The following CDK2AP1 variants were observed in gnomAD, a reference collection of about 807,000 sequenced individuals.
The protein encoded by CDK2AP1 is cyclin-dependent kinase 2-associated protein 1.
CDK2AP1 carries 10 observed loss-of-function variants against 14.1 expected under a neutral mutation model. That is an observed-to-expected ratio of 0.71 (90% CI 0.44 to 1.20). CDK2AP1 has a LOEUF of 1.20. Ranked by LOEUF, CDK2AP1 falls within the 50% of genes most tolerant of loss-of-function variation. The pLI is 0.00. For missense variants in CDK2AP1, 102 were observed against 149.9 expected, an observed-to-expected ratio of 0.68 and a Z score of 1.67; for synonymous variants, 59 against 59.8, an observed-to-expected ratio of 0.99 and a Z score of 0.06.
Position 123,261,897 on chromosome 12 carries a change from C to G in CDK2AP1, c.281-94G>C. On this transcript the variant is annotated intron_variant, in intron 3 of 3. Coordinates refer to ENST00000261692, the MANE Select transcript of CDK2AP1 (RefSeq NM_004642.4). The stretch of plus-strand genomic sequence containing the variant: ...AGCAAGAGGATCCATCCTTCCACAG[C>G]CTGTCCACAAAACCCTCAGACATAA... 6 of 863,368 alleles carry G rather than the reference C, an allele frequency of 6.9e-6. No homozygotes were observed. The South Asian group carries it at 8.1e-5, about 12-fold the overall frequency. 53.5% of individuals were successfully genotyped at this position (863,368 alleles called of 1,614,324 possible). A position where few individuals can be genotyped will look rare whatever the true frequency, so the allele number is the denominator to read the frequency against.
chr12:123,265,080 A>G lies in CDK2AP1; in HGVS notation c.280+116T>C, dbSNP rs1246384698. ...GACGGCAACTCTGTAACAAGACAGG[A>G]GCTCCCATGAGTGAGCCTCATCCCT... On this transcript the variant is annotated intron_variant, in intron 3 of 3. Transcript: ENST00000261692. This position sits in a 1 kb window ranked among gnomAD's most constrained non-coding sequence, Gnocchi z 5.3. 1 of 1,383,608 alleles carries G rather than the reference A, an allele frequency of 7.2e-7. No homozygotes were observed. The highest frequency in any genetic ancestry group is 1.0e-6 in the Non-Finnish European group (1 of 997,774). 85.7% of individuals were successfully genotyped at this position (1,383,608 alleles called of 1,614,324 possible).
chr12:123,265,722 C>T lies in CDK2AP1; in HGVS notation c.154-400G>A, dbSNP rs2048283614. On this transcript the variant is annotated intron_variant, in intron 2 of 3. Transcript: ENST00000261692. The surrounding 1 kb of genome is among the most constrained non-coding windows in gnomAD (Gnocchi z 5.3). ...ATCCTCACACACTCAGGGAGGCCACCCAGTCGTCTCCAGGAAGCAACTTTA... is the reference window on the plus strand; with the variant it reads ...ATCCTCACACACTCAGGGAGGCCACTCAGTCGTCTCCAGGAAGCAACTTTA... Among the ~76,000 whole-genome samples the T allele has an allele frequency of 6.6e-6, 1 of 152,102 alleles. No homozygotes were observed. Among genetic ancestry groups the T allele is most frequent in the Admixed American group, 6.6e-5 (1 of 15,262 alleles).
At position 123,261,703 on chromosome 12, in the gene CDK2AP1, A is replaced by G; in HGVS notation, c.*33T>C. On this transcript the variant is annotated 3_prime_UTR_variant, in exon 4 of 4. Transcript: ENST00000261692. Reference sequence around the variant, plus strand: ...TGAACTGTAACTTCTCATCTTGTAAAAAGATGGAAATCCTTCAAAACCAAC... The same window carrying G: ...TGAACTGTAACTTCTCATCTTGTAAGAAGATGGAAATCCTTCAAAACCAAC... The G allele has an allele frequency of 6.4e-6, 10 of 1,565,434 alleles. No individual in the cohort carries two copies. The highest frequency in any genetic ancestry group is 8.8e-6 in the Non-Finnish European group (10 of 1,135,412).
intron 1 of CDK2AP1, among the ~76,000 whole-genome samples, chr12:123,270,567 G>A (rs1043510711): frequency 1.5e-4 from 23 of 151,970 alleles, no homozygotes; most frequent in African/African-American, 2.4e-4. Flanking sequence ...TGTCAGAGAA[G>A]AAGGGCCCCA....
intron 3 of CDK2AP1, among the ~76,000 whole-genome samples, chr12:123,263,147 G>C (rs7296205): frequency 4.7e-5 from 7 of 148,376 alleles, no homozygotes. Context: ...GGAGGCGGAG[G>C]TTGCAGTGAG....
chr12:123,264,488 A>G (rs2048268140), intron 3 of CDK2AP1, among the ~76,000 whole-genome samples: 1 of 110,136 alleles, frequency 9.1e-6, no homozygotes, highest in Non-Finnish European at 2.1e-5. Flanking sequence ...AAAAAAAAAA[A>G]AAAGAGCCCC....
intron 3 of CDK2AP1, among the ~76,000 whole-genome samples, chr12:123,263,902 G>A (rs553176700): frequency 2.4e-4 from 36 of 150,934 alleles, no homozygotes; most frequent in Admixed American, 7.9e-4. Context: ...TCAAGAAATC[G>A]AAACCATCCT....
At chr12:123,272,038 C>T (rs2048359362), upstream of CDK2AP1, 1 of 148,842 alleles carries the variant, frequency 6.7e-6, no homozygotes. Flanking sequence ...TGCCCCGCGC[C>T]CGGCGCCCCG....
rs554212372 is a variant in CDK2AP1, at chr12:123,262,699, C to T, written c.281-896G>A. On this transcript the variant is annotated intron_variant, in intron 3 of 3. Transcript: ENST00000261692. ...CAGGTGATCCTCCCACCTCAGCCTC[C>T]GGAGAAGCTGGGACTATAGGCACGC... 2.0e-5 allele frequency among the ~76,000 whole-genome samples: 3 copies of T among 152,248 alleles called. No homozygotes were observed. In the East Asian group the frequency reaches 5.8e-4, roughly 30 times the overall value.
At chr12:123,269,252 C>T (rs1245978733) in intron 1 of CDK2AP1, 1 of 152,354 alleles carries the variant, frequency 6.6e-6, no homozygotes, top group Non-Finnish European at 1.5e-5. Flanking sequence ...GGTCTATGGG[C>T]TCCAGTTCCT....
intron 2 of CDK2AP1, 59 bp downstream of exon 2, chr12:123,267,126 T>C (rs2138818652): frequency 1.0e-6 from 1 of 994,082 alleles, no homozygotes. Context: ...TCTCCTCTGA[T>C]GGTGGGAAGC....
intron 1 of CDK2AP1, chr12:123,269,277 C>T (rs1593298504): frequency 6.6e-6 from 1 of 152,436 alleles, no homozygotes; most frequent in South Asian, 2.1e-4. Flanking sequence ...TTTGATGATA[C>T]TGGGGTTAGG....
chr12:123,267,608 CCT>C (rs2048310370), intron 1 of CDK2AP1: 3 of 303,242 alleles, frequency 9.9e-6, no homozygotes, highest in South Asian at 9.6e-5. Context: ...ATCCCCTCTC[CCT>C]GTGTCCTGGT....
Position 123,261,562 on chromosome 12 carries a change from A to T in CDK2AP1, c.*174T>A. ...CTACTTAAAATGCAAATCCTAATTAACTGCAAAATCTTTTCTCAATCTTTG... is the reference window on the plus strand; with the variant it reads ...CTACTTAAAATGCAAATCCTAATTATCTGCAAAATCTTTTCTCAATCTTTG... On this transcript the variant is annotated 3_prime_UTR_variant, in exon 4 of 4. Coordinates refer to ENST00000261692, the MANE Select transcript of CDK2AP1 (RefSeq NM_004642.4). The T allele has an allele frequency of 1.8e-6, 1 of 542,698 alleles. No homozygotes were observed. Among genetic ancestry groups the T allele is most frequent in the Non-Finnish European group, 3.3e-6 (1 of 305,232 alleles). 33.6% of individuals were successfully genotyped at this position (542,698 alleles called of 1,614,324 possible). A position where few individuals can be genotyped will look rare whatever the true frequency, so the allele number is the denominator to read the frequency against.
chr12:123,264,462 C>CCAAAAAAAAAA (rs2048267126), intron 3 of CDK2AP1, among the ~76,000 whole-genome samples: 1 of 69,888 alleles, frequency 1.4e-5, no homozygotes, highest in Non-Finnish European at 2.4e-5. Context: ...CTCCGTCTCC[C>CCAAAAAAAAAA]AAAAAAAAAA....
At position 123,261,721 on chromosome 12, in the gene CDK2AP1, A is replaced by T. The variant is rs2048234354; in HGVS notation, c.*15T>A. 1 of 1,609,106 alleles carries T rather than the reference A, an allele frequency of 6.2e-7. No individual in the cohort carries two copies. The highest frequency in any genetic ancestry group is 1.3e-5 in the African/African-American group (1 of 74,950). On this transcript the variant is annotated 3_prime_UTR_variant, in exon 4 of 4. Coordinates refer to ENST00000261692, the MANE Select transcript of CDK2AP1 (RefSeq NM_004642.4). ...CTTGTAAAAAGATGGAAATCCTTCA[A>T]AACCAACAAGGCAGCTAGGATCTGG... is the stretch of plus-strand genomic sequence containing the variant.
intron 1 of CDK2AP1, chr12:123,270,167 G>A: frequency 1.0e-6 from 1 of 971,436 alleles, no homozygotes; most frequent in South Asian, 4.8e-5. Flanking sequence ...AAGGCTGCTG[G>A]CAGTCCTACC....
chr12:123,271,237 G>A (rs1388013050), intron 1 of CDK2AP1: 1 of 154,062 alleles, frequency 6.5e-6, no homozygotes, highest in Admixed American at 6.7e-5. Context: ...CCGCCCAGAA[G>A]CCGGAGGAAA....
intron 1 of CDK2AP1, chr12:123,269,378 T>A (rs1276909140): frequency 6.5e-6 from 1 of 152,974 alleles, no homozygotes; most frequent in Non-Finnish European, 1.5e-5. Flanking sequence ...CAGTGCTCTG[T>A]CCAGGCCACT....
Sources: allele counts gnomAD v4.1 joint callset (sites outside exome capture counted in the v4.1 genomes callset), GRCh38; gene constraint gnomAD v4.1.1; non-coding constraint Gnocchi (gnomAD v3.1); transcripts MANE v1.5; gene names NCBI Gene and HGNC (gene_info 2026-07-23, HGNC 2026-07-21).